SGCZ: variants seen among roughly 807,000 people sequenced by gnomAD.
The protein encoded by SGCZ is sarcoglycan zeta.
SGCZ carries 40 observed loss-of-function variants against 41.3 expected under a neutral mutation model. The observed-to-expected ratio is 0.97, with a 90% confidence interval of 0.75 to 1.26. The LOEUF is 1.26. SGCZ is among the 50% of genes most tolerant of loss of function. The pLI is 0.00. For synonymous variants in SGCZ, 206 were observed against 137.5 expected (o/e 1.50, Z -3.49); for missense variants, 552 against 369.8 (o/e 1.49, Z -4.04).
chr8:14,952,784 A>G (rs928679319), intron 1 of SGCZ, among the ~76,000 whole-genome samples: 2 of 152,200 alleles, frequency 1.3e-5, no homozygotes, highest in Non-Finnish European at 2.9e-5. Flanking sequence ...CGAGGTATTA[A>G]AGACAGAGCT....
At chr8:14,548,822 A>G (rs78596306) in intron 2 of SGCZ, among the ~76,000 whole-genome samples, 2 of 152,128 alleles carry the variant, frequency 1.3e-5, no homozygotes, top group Non-Finnish European at 2.9e-5. Context: ...TTGGGTCAAC[A>G]ATTTTCTCAA....
chr8:14,552,926 A>C (rs1395350034), intron 2 of SGCZ, among the ~76,000 whole-genome samples: 1 of 152,124 alleles, frequency 6.6e-6, no homozygotes, highest in East Asian at 1.9e-4. Context: ...CGCATCATTC[A>C]TGAGCTTTTG....
intron 2 of SGCZ, among the ~76,000 whole-genome samples, chr8:14,421,225 T>C (rs1474064374): frequency 1.3e-5 from 2 of 152,076 alleles, no homozygotes; most frequent in African/African-American, 4.8e-5. Flanking sequence ...GGGCTATTGA[T>C]CTCATGTTTT....
intron 1 of SGCZ, among the ~76,000 whole-genome samples, chr8:14,847,635 G>T (rs1376695743): frequency 7.1e-6 from 1 of 141,318 alleles, no homozygotes; most frequent in African/African-American, 2.6e-5. Flanking sequence ...AAGAGGGAAG[G>T]AAGGAAGGAG....
intron 1 of SGCZ, among the ~76,000 whole-genome samples, chr8:15,091,819 C>G (rs1194426460): frequency 6.6e-6 from 1 of 152,096 alleles, no homozygotes; most frequent in Non-Finnish European, 1.5e-5. Context: ...GTGTTGTGAT[C>G]ACGGCTCACT....
rs529023061 is a variant in SGCZ, at chr8:14,625,654, C to T, written c.40-70728G>A. On this transcript the variant is annotated intron_variant, in intron 1 of 7. Coordinates refer to ENST00000382080, the MANE Select transcript of SGCZ (RefSeq NM_139167.4). ...CTAGGTTTCCCAGGCTGGTCTTGAA[C>T]TCCTGGAATTAAGTAATTCTCCCAC... Among the ~76,000 whole-genome samples, 3 of 152,148 alleles carry T rather than the reference C, an allele frequency of 2.0e-5. No homozygotes were observed. In the South Asian group the frequency reaches 6.2e-4, roughly 32 times the overall value.
chr8:14,302,865 G>C (rs557936438), intron 3 of SGCZ, among the ~76,000 whole-genome samples: 21 of 152,088 alleles, frequency 1.4e-4, no homozygotes, highest in Non-Finnish European at 2.9e-4. Context: ...GCTCAAAAGA[G>C]GGCTCTCTAT....
intron 1 of SGCZ, among the ~76,000 whole-genome samples, chr8:15,015,503 C>T (rs534829378): frequency 5.3e-4 from 80 of 151,772 alleles, no homozygotes; most frequent in African/African-American, 1.8e-3. Context: ...ATGCAGACCA[C>T]GGTGAAACCC....
chr8:14,735,041 G>A (rs1798984644), intron 1 of SGCZ, among the ~76,000 whole-genome samples: 1 of 152,106 alleles, frequency 6.6e-6, no homozygotes, highest in South Asian at 2.1e-4. Context: ...AAATAAGTAT[G>A]AAGCATAGAA....
chr8:14,413,572 T>G (rs2117283750), intron 2 of SGCZ, among the ~76,000 whole-genome samples: 1 of 152,172 alleles, frequency 6.6e-6, no homozygotes, highest in South Asian at 2.1e-4. Context: ...TAGAGGTCAT[T>G]ATATTACAAC....
At chr8:15,016,452 T>A (rs1203556877) in intron 1 of SGCZ, among the ~76,000 whole-genome samples, 1 of 152,158 alleles carries the variant, frequency 6.6e-6, no homozygotes, top group Non-Finnish European at 1.5e-5. Flanking sequence ...GCATAATCTC[T>A]TGGCAGGATC....
chr8:14,094,750 C>A (rs1801791661), intron 7 of SGCZ, among the ~76,000 whole-genome samples: 1 of 152,156 alleles, frequency 6.6e-6, no homozygotes, highest in African/African-American at 2.4e-5. Context: ...ACACTCCCAC[C>A]AACAGTGTAA....
At chr8:14,947,893 G>C (rs1408719156) in intron 1 of SGCZ, among the ~76,000 whole-genome samples, 1 of 152,230 alleles carries the variant, frequency 6.6e-6, no homozygotes, top group South Asian at 2.1e-4. Flanking sequence ...TCATCAGATT[G>C]ATTTTTGAAA....
At chr8:14,214,683 C>G (rs1322191806) in intron 4 of SGCZ, among the ~76,000 whole-genome samples, 1 of 147,988 alleles carries the variant, frequency 6.8e-6, no homozygotes, top group Non-Finnish European at 1.5e-5. Context: ...AAAATGTGTA[C>G]CATGCTAACA....
intron 1 of SGCZ, among the ~76,000 whole-genome samples, chr8:14,592,619 C>CA (rs1563138211): frequency 6.6e-6 from 1 of 151,470 alleles, no homozygotes; most frequent in Non-Finnish European, 1.5e-5. Context: ...TAAAACCAAA[C>CA]AAAAAAACAA....
At chr8:15,034,789 A>G (rs200241424) in intron 1 of SGCZ, among the ~76,000 whole-genome samples, 1 of 40,562 alleles carries the variant, frequency 2.5e-5, no homozygotes. Flanking sequence ...TTTACAGACA[A>G]GAGAGAGTGG....
rs191913266 is a variant in SGCZ at position 14,777,724 on chromosome 8, G to A, written c.40-222798C>T. ...GTTTAGAAAAAAAGTGTTAATGCAT[G>A]TATGTGGGTATGTGTGTGTATGTGT... On this transcript the variant is annotated intron_variant, in intron 1 of 7. Coordinates refer to ENST00000382080, the MANE Select transcript of SGCZ (RefSeq NM_139167.4). Among the ~76,000 whole-genome samples, 180 of 152,098 alleles carry A rather than the reference G, an allele frequency of 1.2e-3. 1 individual carries two copies. Among genetic ancestry groups the A allele is most frequent in the Non-Finnish European group, 2.1e-3 (140 of 68,000 alleles).
At chr8:14,820,742 T>C (rs1341247968) in intron 1 of SGCZ, among the ~76,000 whole-genome samples, 5 of 151,782 alleles carry the variant, frequency 3.3e-5, no homozygotes, top group African/African-American at 9.7e-5. Context: ...TTGAAACCAA[T>C]GGGTTAATGA....
chr8:14,345,128 T>C lies in SGCZ; in HGVS notation c.235-20924A>G, dbSNP rs1015005819. On this transcript the variant is annotated intron_variant, in intron 2 of 7. Transcript: ENST00000382080. ...GGAAAATTAAGCCAATGAACTGAAA[T>C]GGAAACTTCATAGAAAAGGATAGTA... Among the ~76,000 whole-genome samples the C allele has an allele frequency of 1.1e-4, 17 of 152,010 alleles. 1 individual carries two copies. The highest frequency in any genetic ancestry group is 1.1e-3 in the Admixed American group (17 of 15,266).
Sources: allele counts gnomAD v4.1 joint callset (sites outside exome capture counted in the v4.1 genomes callset), GRCh38; gene constraint gnomAD v4.1.1; transcripts MANE v1.5; gene names NCBI Gene and HGNC (gene_info 2026-07-23, HGNC 2026-07-21).